HSP90AA1: variants seen among roughly 807,000 people sequenced by gnomAD.
The protein encoded by HSP90AA1 is heat shock protein HSP 90-alpha.
Under a neutral mutation model 73.3 loss-of-function variants are expected in HSP90AA1, and 18 were observed. The observed-to-expected ratio is 0.25, with a 90% confidence interval of 0.17 to 0.36. The LOEUF (loss-of-function observed/expected upper bound fraction) is 0.36. Ranked by LOEUF, HSP90AA1 falls within the 10% of genes least tolerant of loss-of-function variation. The pLI is 1.00. For synonymous variants in HSP90AA1, 477 were observed against 296.9 expected (o/e 1.61, Z -6.24); for missense variants, 704 against 874.2 (o/e 0.81, Z 2.45).
chr14:102,115,033 G>C (rs2049688940), intron 1 of HSP90AA1, among the ~76,000 whole-genome samples: 3 of 151,756 alleles, frequency 2.0e-5, no homozygotes, highest in Non-Finnish European at 4.4e-5. Context: ...AGTCCCACCT[G>C]CTACTCGGGA....
chr14:102,103,296 A>G (rs1194438641), intron 1 of HSP90AA1, among the ~76,000 whole-genome samples: 1 of 149,866 alleles, frequency 6.7e-6, no homozygotes, highest in Non-Finnish European at 1.5e-5. Flanking sequence ...TGCAGCCTCA[A>G]CCTGCTGGGC....
In HSP90AA1 at chr14:102,083,906, A is replaced by C. The variant is rs1273569416; in HGVS notation, c.1225T>G (p.Leu409Val). 6.2e-7 allele frequency: 1 copy of C among 1,614,086 alleles called. No individual in the cohort carries two copies. Among genetic ancestry groups the C allele is most frequent in the Non-Finnish European group, 8.5e-7 (1 of 1,179,962 alleles). Residue 409 changes from leucine (L) to valine (V), a missense_variant, in exon 7 of 11, where the codon TTG becomes GTG. Transcript: ENST00000216281. ...ACCAAATTCTTCCTGATAACTTTCA[A>C]AATTTTGCTTTGTTGCAACATCTCA... The part of the protein sequence containing the change: ...SREMLQQSKI[L>V]KVIRKNLVKK...
intron 1 of HSP90AA1, among the ~76,000 whole-genome samples, chr14:102,111,386 G>A (rs890004667): frequency 2.0e-5 from 3 of 152,248 alleles, no homozygotes; most frequent in African/African-American, 7.2e-5. Context: ...TTCACAGGGT[G>A]CAAGCCCCAA....
intron 2 of HSP90AA1, among the ~76,000 whole-genome samples, chr14:102,092,286 G>T (rs1431223499): frequency 6.6e-6 from 1 of 151,590 alleles, no homozygotes; most frequent in Non-Finnish European, 1.5e-5. Flanking sequence ...CACCAGGCTG[G>T]TCTCAAACTC....
chr14:102,089,084 C>G (rs1369446370), upstream of HSP90AA1, among the ~76,000 whole-genome samples: 2 of 152,020 alleles, frequency 1.3e-5, no homozygotes, highest in African/African-American at 4.8e-5. Context: ...CTACGCCCGG[C>G]TAATTTTTGT....
intron 5 of HSP90AA1, 53 bp downstream of exon 5, chr14:102,084,628 T>C (rs2049178903): frequency 6.2e-7 from 1 of 1,614,128 alleles, no homozygotes; most frequent in South Asian, 1.1e-5. Context: ...TTTGGGGTGG[T>C]GGAGAAAGAT....
intron 1 of HSP90AA1, 147 bp from the exon 2 acceptor site, chr14:102,086,525 G>C (rs569008168): frequency 3.2e-6 from 3 of 934,790 alleles, no homozygotes; most frequent in East Asian, 2.5e-5. Context: ...GGCTGACAAA[G>C]GATGACCTCA....
chr14:102,108,531 CTTT>C (rs35612478), intron 1 of HSP90AA1, among the ~76,000 whole-genome samples: 8 of 130,776 alleles, frequency 6.1e-5, no homozygotes, highest in Admixed American at 2.4e-4. Context: ...TAACTTATAA[CTTT>C]TTTTTTTTTT....
chr14:102,115,955 CT>C (rs369667667), intron 1 of HSP90AA1, among the ~76,000 whole-genome samples: 474 of 141,824 alleles, frequency 3.3e-3, no homozygotes, highest in African/African-American at 4.9e-3. Context: ...GACCGAGCAT[CT>C]TTTTTTTTTT....
At chr14:102,134,779 T>C (rs879736295) in intron 1 of HSP90AA1, among the ~76,000 whole-genome samples, 3 of 152,162 alleles carry the variant, frequency 2.0e-5, no homozygotes, top group Admixed American at 6.5e-5. Flanking sequence ...TAGCAAGATT[T>C]ATTGCAAAGG....
Position 102,084,079 on chromosome 14 carries a change from G to A in HSP90AA1, c.1148-96C>T, listed in dbSNP as rs1160641992. 6 of 992,808 alleles carry A rather than the reference G, an allele frequency of 6.0e-6. No homozygotes were observed. In the East Asian group the frequency reaches 1.0e-4, roughly 17 times the overall value. The allele number at this position is 992,808 out of a possible 1,614,324, so 61.5% of individuals were successfully genotyped here. A position where few individuals can be genotyped will look rare whatever the true frequency, so the allele number is the denominator to read the frequency against. ...ATCAAAGATAACCTGAAGATGATGG[G>A]ACGTATTTTTGAGACAGTCTCACTC... On this transcript the variant is annotated intron_variant, in intron 6 of 10. Coordinates refer to ENST00000216281, the MANE Select transcript of HSP90AA1 (RefSeq NM_005348.4).
At chr14:102,087,564 C>T (rs1054790116), upstream of HSP90AA1, among the ~76,000 whole-genome samples, 3 of 152,116 alleles carry the variant, frequency 2.0e-5, no homozygotes, top group South Asian at 4.1e-4. Flanking sequence ...GAGCCGTCGT[C>T]CTGACTGGCG....
At chr14:102,118,813 ATTCTTTT>A (rs2152623654) in intron 1 of HSP90AA1, among the ~76,000 whole-genome samples, 1 of 146,574 alleles carries the variant, frequency 6.8e-6, no homozygotes, top group Non-Finnish European at 1.5e-5. Context: ...CTCCCCATAC[ATTCTTTT>A]TAGAATTCCT....
intron 2 of HSP90AA1, among the ~76,000 whole-genome samples, chr14:102,099,340 C>T (rs894215659): frequency 1.3e-5 from 2 of 152,176 alleles, no homozygotes; most frequent in African/African-American, 2.4e-5. Flanking sequence ...ATGCAGATCA[C>T]CTGAGGTCAA....
intron 1 of HSP90AA1, among the ~76,000 whole-genome samples, chr14:102,110,041 C>A (rs956549431): frequency 6.6e-6 from 1 of 152,072 alleles, no homozygotes; most frequent in African/African-American, 2.4e-5. Flanking sequence ...TCAAGCGATT[C>A]TTCTGCCTCA....
upstream of HSP90AA1, among the ~76,000 whole-genome samples, chr14:102,091,896 G>A (rs186468908): frequency 2.6e-5 from 4 of 152,126 alleles, no homozygotes; most frequent in Admixed American, 2.6e-4. Context: ...CAAAGTGCTG[G>A]GATTACAGGT....
chr14:102,084,166 G>A (rs1001270597), intron 6 of HSP90AA1, 183 bp from the exon 7 acceptor site: 5 of 694,144 alleles, frequency 7.2e-6, no homozygotes, highest in East Asian at 5.4e-5. Context: ...GCCTCCCGGG[G>A]GGGTTCAAGC....
chr14:102,093,200 AT>A (rs935890715), intron 2 of HSP90AA1, among the ~76,000 whole-genome samples: 34 of 149,018 alleles, frequency 2.3e-4, no homozygotes, highest in African/African-American at 5.9e-4. Flanking sequence ...AAATTAAAAA[AT>A]ATATATATAT....
In HSP90AA1 at chr14:102,086,319, G is replaced by A. The variant is rs11547538; in HGVS notation, c.60C>T (p.Phe20=). The change falls in exon 2 of 11, where the codon TTC becomes TTT. Residue 20 remains phenylalanine, a synonymous_variant. Transcript: ENST00000216281. ...QPMEEEEVET[F]AFQAEIAQLM... The stretch of plus-strand genomic sequence containing the variant: ...ACTGGGCAATTTCTGCCTGAAAGGC[G>A]AACGTCTCAACCTCCTCCTCCTCCA... 116 of 1,614,132 alleles carry A rather than the reference G, an allele frequency of 7.2e-5. No homozygotes were observed. In the African/African-American group the frequency reaches 1.3e-3, roughly 19 times the overall value.
Sources: allele counts gnomAD v4.1 joint callset (sites outside exome capture counted in the v4.1 genomes callset), GRCh38; gene constraint gnomAD v4.1.1; transcripts MANE v1.5; gene names NCBI Gene and HGNC (gene_info 2026-07-23, HGNC 2026-07-21).